Variants in TMEM87B observed in about 807,000 individuals in gnomAD.
The protein encoded by TMEM87B is transmembrane protein 87B.
TMEM87B carries 83 observed loss-of-function variants against 80.3 expected under a neutral mutation model. The ratio of observed to expected loss-of-function variants is 1.03; its 90% confidence interval spans 0.87 to 1.24. The LOEUF is 1.24. Ranked by LOEUF, TMEM87B falls within the 50% of genes most tolerant of loss-of-function variation. TMEM87B has a pLI of 0.00. For missense variants in TMEM87B, 625 were observed against 674.4 expected (o/e 0.93, Z 0.81); for synonymous variants, 219 against 230.5 (o/e 0.95, Z 0.45).
intron 4 of TMEM87B, among the ~76,000 whole-genome samples, chr2:112,070,012 A>AT (rs1160577976): frequency 4.0e-5 from 6 of 150,244 alleles, no homozygotes; most frequent in African/African-American, 1.2e-4. Context: ...CCTCTTTTTA[A>AT]TTTTTTTTTG....
chr2:112,076,215 G>T (rs1479026420), intron 5 of TMEM87B, among the ~76,000 whole-genome samples: 1 of 152,000 alleles, frequency 6.6e-6, no homozygotes, highest in Non-Finnish European at 1.5e-5. Context: ...TCGCACCATT[G>T]CACTTCAGCC....
At chr2:112,077,055 AAG>A in intron 5 of TMEM87B, 135 bp from the exon 6 acceptor site, 5 of 477,512 alleles carry the variant, frequency 1.0e-5, no homozygotes, top group South Asian at 4.2e-5. Context: ...AAAAAAAAAA[AAG>A]GAAAAAATTA....
At chr2:112,064,040 G>T in intron 2 of TMEM87B, 122 bp from the exon 3 acceptor site, 1 of 733,920 alleles carries the variant, frequency 1.4e-6, no homozygotes. Flanking sequence ...GGAGAAATTA[G>T]CTAATGTTTT....
chr2:112,076,567 T>C (rs551871169), intron 5 of TMEM87B, among the ~76,000 whole-genome samples: 5 of 152,134 alleles, frequency 3.3e-5, no homozygotes, highest in Admixed American at 3.3e-4. Flanking sequence ...TTCAAACTCC[T>C]GAGCTCAAGT....
At chr2:112,074,106 G>C (rs116034583) in intron 4 of TMEM87B, among the ~76,000 whole-genome samples, 1 of 152,016 alleles carries the variant, frequency 6.6e-6, no homozygotes, top group Non-Finnish European at 1.5e-5. Context: ...GGGTTTGATC[G>C]TGTCATCATG....
chr2:112,087,898 C>T (rs189205017), intron 9 of TMEM87B, among the ~76,000 whole-genome samples: 10 of 152,340 alleles, frequency 6.6e-5, no homozygotes, highest in Non-Finnish European at 8.8e-5. Context: ...CCAGTTGTCC[C>T]GTGAGCAGCT....
chr2:112,064,265 A>C lies in TMEM87B; in HGVS notation c.318+12A>C. 6.2e-7 allele frequency: 1 copy of C among 1,608,722 alleles called. No individual in the cohort carries two copies. The highest frequency in any genetic ancestry group is 8.5e-7 in the Non-Finnish European group (1 of 1,175,730). The stretch of plus-strand genomic sequence containing the variant: ...ATTCTAATCTGGAAGTAAGTAAAAC[A>C]CAAGTTTTTAATGTATATAAAGCTA... On this transcript the variant is annotated intron_variant, in intron 3 of 18. Coordinates refer to ENST00000283206, the MANE Select transcript of TMEM87B (RefSeq NM_032824.3).
In TMEM87B at chr2:112,092,073, C is replaced by G. The variant is rs745546998; in HGVS notation, c.1104+290C>G. Among the ~76,000 whole-genome samples, 6 of 152,106 alleles carry G rather than the reference C, an allele frequency of 3.9e-5. 1 individual carries two copies. Among genetic ancestry groups the G allele is most frequent in the Admixed American group, 2.6e-4 (4 of 15,258 alleles). ...GGGATTCACAGTCTTGTAGGGGAGA[C>G]AGATACATAACTGGCATCAGTATAG... is the stretch of plus-strand genomic sequence containing the variant. On this transcript the variant is annotated intron_variant, in intron 11 of 18. Coordinates refer to ENST00000283206, the MANE Select transcript of TMEM87B (RefSeq NM_032824.3).
intron 15 of TMEM87B, among the ~76,000 whole-genome samples, chr2:112,104,464 G>A (rs1210560361): frequency 6.6e-6 from 1 of 152,112 alleles, no homozygotes; most frequent in Admixed American, 6.6e-5. Flanking sequence ...CCGTTAAAAG[G>A]TGCTCAATAT....
At chr2:112,095,169 T>C (rs1488236385) in intron 11 of TMEM87B, 176 of 70,752 alleles carry the variant, frequency 2.5e-3, no homozygotes, top group African/African-American at 0.013. Context: ...TTCTTTCTTT[T>C]TTTTTTTTTT....
chr2:112,090,944 T>G lies in TMEM87B; in HGVS notation c.1033-768T>G, dbSNP rs574061229. 2.6e-5 allele frequency among the ~76,000 whole-genome samples: 4 copies of G among 152,322 alleles called. No individual in the cohort carries two copies. The South Asian group carries it at 8.3e-4, about 32-fold the overall frequency. ...CATTCTGTGTTAGATGCTCTTTTAGTCTTTGAGTATATTTATTTCCACGTT... is the reference window on the plus strand; with the variant it reads ...CATTCTGTGTTAGATGCTCTTTTAGGCTTTGAGTATATTTATTTCCACGTT... On this transcript the variant is annotated intron_variant, in intron 10 of 18. Coordinates refer to ENST00000283206, the MANE Select transcript of TMEM87B (RefSeq NM_032824.3).
At position 112,060,035 on chromosome 2, in the gene TMEM87B, C is replaced by T. The variant is rs1179571241; in HGVS notation, c.224C>T (p.Ser75Phe). The T allele has an allele frequency of 5.7e-6, 9 of 1,582,358 alleles. No homozygotes were observed. The highest frequency in any genetic ancestry group is 7.8e-6 in the Non-Finnish European group (9 of 1,160,000). The change falls in exon 2 of 19, where the codon TCT becomes TTT. Residue 75 changes from serine (S) to phenylalanine (F), a missense_variant and splice_region_variant. By Grantham distance (155) the Ser-to-Phe change is radical. Transcript: ENST00000283206. The stretch of plus-strand genomic sequence containing the variant: ...TTTAACTCTACAGATATCAAGTTAT[C>T]TGGTAAGTATAATAAAACAATAAAA... ...TMFNSTDIKL[S>F]VKSFHCSGPV...
intron 9 of TMEM87B, among the ~76,000 whole-genome samples, chr2:112,089,006 G>A (rs577369460): frequency 2.0e-5 from 3 of 152,194 alleles, no homozygotes; most frequent in Non-Finnish European, 4.4e-5. Flanking sequence ...AGTAATGTGC[G>A]TACCTTGGCC....
intron 2 of TMEM87B, 26 bp downstream of exon 2, chr2:112,060,063 C>G: frequency 1.3e-6 from 2 of 1,511,492 alleles, no homozygotes; most frequent in Non-Finnish European, 1.8e-6. Flanking sequence ...CAATAAAATA[C>G]TAGACTGGGC....
intron 16 of TMEM87B, 62 bp downstream of exon 16, chr2:112,106,137 C>T: frequency 1.9e-6 from 2 of 1,031,292 alleles, no homozygotes; most frequent in Non-Finnish European, 2.7e-6. Flanking sequence ...CTTTAGAGAG[C>T]TATACGAGTG....
At chr2:112,106,099 C>T in intron 16 of TMEM87B, 24 bp downstream of exon 16, 1 of 1,450,754 alleles carries the variant, frequency 6.9e-7, no homozygotes, top group South Asian at 1.4e-5. Context: ...ATATTTAGTA[C>T]AATCTTAGTC....
chr2:112,081,279 C>T, intron 7 of TMEM87B, 56 bp from the exon 8 acceptor site: 1 of 1,507,238 alleles, frequency 6.6e-7, no homozygotes, highest in Non-Finnish European at 9.0e-7. Flanking sequence ...TGTAGAAGTG[C>T]CAACTTTCAA....
At chr2:112,104,781 T>G (rs1679722221) in intron 15 of TMEM87B, among the ~76,000 whole-genome samples, 1 of 152,200 alleles carries the variant, frequency 6.6e-6, no homozygotes. Context: ...GCAGCTTTAT[T>G]CTTAATAGTC....
chr2:112,100,702 A>G lies in TMEM87B; in HGVS notation c.1450+7A>G, dbSNP rs993608394. 2 of 1,566,646 alleles carry G rather than the reference A, an allele frequency of 1.3e-6. No homozygotes were observed. The highest frequency in any genetic ancestry group is 2.7e-5 in the African/African-American group (2 of 73,900). On this transcript the variant is annotated splice_region_variant and intron_variant, in intron 15 of 18. Coordinates refer to ENST00000283206, the MANE Select transcript of TMEM87B (RefSeq NM_032824.3). ...GTAACTTCTGAAAATTTAAGTGAGT[A>G]ATATGTTTTCTTTTTAAATGACCAT...
Sources: allele counts gnomAD v4.1 joint callset (sites outside exome capture counted in the v4.1 genomes callset), GRCh38; gene constraint gnomAD v4.1.1; transcripts MANE v1.5; gene names NCBI Gene and HGNC (gene_info 2026-07-23, HGNC 2026-07-21).